RTL4: variants seen among roughly 807,000 people sequenced by gnomAD.
RTL4 encodes retrotransposon Gag like 4.
Under a neutral mutation model 5.3 loss-of-function variants are expected in RTL4, and 4 were observed. The ratio of observed to expected loss-of-function variants is 0.75; its 90% confidence interval spans 0.37 to 1.72. The LOEUF is 1.72. RTL4 is among the 40% of genes most tolerant of loss of function. The probability of loss-of-function intolerance (pLI) is 0.04; values close to 1 mark genes in which losing one functional copy is unlikely to be tolerated. For synonymous variants in RTL4, 98 were observed against 87.3 expected (o/e 1.12, Z -0.68); for missense variants, 260 against 227.1 (o/e 1.14, Z -0.93).
At chrX:112,208,432 GT>G in the RTL4 span, among the ~76,000 whole-genome samples, 4 of 112,052 alleles carry the variant, frequency 3.6e-5, no homozygotes, top group Non-Finnish European at 7.5e-5. Flanking sequence ...ACTGGTCATA[GT>G]TTATCTGTAT....
At chrX:112,444,764 C>T in the RTL4 span, among the ~76,000 whole-genome samples, 1 of 111,249 alleles carries the variant, frequency 9.0e-6, no homozygotes, top group African/African-American at 3.3e-5. Flanking sequence ...CAAATTTTTC[C>T]ATTTCTTCTA....
chrX:112,378,414 T>G, the RTL4 span, among the ~76,000 whole-genome samples: 1 of 111,567 alleles, frequency 9.0e-6, no homozygotes, highest in East Asian at 2.9e-4. Context: ...GGAACATATC[T>G]TCAGGTAGTA....
chrX:112,128,998 G>C, the RTL4 span, among the ~76,000 whole-genome samples: 1 of 111,012 alleles, frequency 9.0e-6, no homozygotes, highest in South Asian at 3.7e-4. Flanking sequence ...CAACAAAAGG[G>C]CAAACAATCC....
At chrX:112,431,977 G>T in the RTL4 span, among the ~76,000 whole-genome samples, 1 of 101,059 alleles carries the variant, frequency 9.9e-6, no homozygotes, top group Non-Finnish European at 2.0e-5. Context: ...GAGAATATGC[G>T]GTGTTTGTTT....
At chrX:112,303,035 C>T in the RTL4 span, among the ~76,000 whole-genome samples, 3 of 111,789 alleles carry the variant, frequency 2.7e-5, no homozygotes, top group Non-Finnish European at 5.6e-5. Context: ...TGATCATTCT[C>T]ATCTTCCACA....
chrX:112,151,083 T>A, the RTL4 span, among the ~76,000 whole-genome samples: 1 of 111,821 alleles, frequency 8.9e-6, no homozygotes, highest in East Asian at 2.8e-4. Flanking sequence ...GTGGTCACAG[T>A]ACATCAAAGA....
chrX:112,133,913 C>T, the RTL4 span, among the ~76,000 whole-genome samples: 1 of 111,855 alleles, frequency 8.9e-6, no homozygotes, highest in South Asian at 3.7e-4. Flanking sequence ...CCATTCTGCT[C>T]TCTTGCTCAG....
the RTL4 span, among the ~76,000 whole-genome samples, chrX:112,243,728 C>T: frequency 9.0e-6 from 1 of 111,165 alleles, no homozygotes; most frequent in Non-Finnish European, 1.9e-5. Context: ...TTATGTCTTG[C>T]CTTCTGCTAG....
the RTL4 span, among the ~76,000 whole-genome samples, chrX:112,211,146 G>A: frequency 8.9e-6 from 1 of 112,342 alleles, no homozygotes; most frequent in African/African-American, 3.2e-5. Flanking sequence ...TTGGTAAAAT[G>A]AAGCTCACAG....
At chrX:112,401,210 T>G in the RTL4 span, among the ~76,000 whole-genome samples, 2 of 111,861 alleles carry the variant, frequency 1.8e-5, no homozygotes, top group Non-Finnish European at 3.8e-5. Context: ...AAACTCTCCT[T>G]TCTCTTAGTT....
At chrX:112,256,094 A>G in the RTL4 span, among the ~76,000 whole-genome samples, 1 of 112,418 alleles carries the variant, frequency 8.9e-6, no homozygotes, top group Non-Finnish European at 1.9e-5. Flanking sequence ...TCCTTCATTT[A>G]GAGCATATGC....
At chrX:112,141,477 A>T in the RTL4 span, among the ~76,000 whole-genome samples, 1 of 111,979 alleles carries the variant, frequency 8.9e-6, no homozygotes, top group African/African-American at 3.2e-5. Context: ...GGGGAAAAAA[A>T]ACTCAGTCTT....
the RTL4 span, among the ~76,000 whole-genome samples, chrX:112,286,148 GA>G: frequency 9.0e-6 from 1 of 111,617 alleles, no homozygotes; most frequent in Non-Finnish European, 1.9e-5. Flanking sequence ...CACTAATTAA[GA>G]AAAAAACTGA....
the RTL4 span, among the ~76,000 whole-genome samples, chrX:112,332,470 G>T: frequency 1.8e-5 from 2 of 110,896 alleles, no homozygotes; most frequent in African/African-American, 3.3e-5. Flanking sequence ...AGAAAATGTG[G>T]CATATATATG....
At chrX:112,198,786 A>C in the RTL4 span, among the ~76,000 whole-genome samples, 4 of 111,155 alleles carry the variant, frequency 3.6e-5, no homozygotes, top group Non-Finnish European at 7.5e-5. Context: ...TATATCAGAG[A>C]TAGAGCATGT....
the RTL4 span, among the ~76,000 whole-genome samples, chrX:112,123,797 G>A: frequency 1.8e-5 from 2 of 111,513 alleles, no homozygotes; most frequent in East Asian, 5.6e-4. Context: ...TATGACGAAA[G>A]CACCAAAAGC....
At chrX:112,209,554 A>G in the RTL4 span, among the ~76,000 whole-genome samples, 1 of 111,633 alleles carries the variant, frequency 9.0e-6, no homozygotes, top group African/African-American at 3.3e-5. Context: ...ATCATAGGGA[A>G]CGCCCCATGA....
the RTL4 span, among the ~76,000 whole-genome samples, chrX:112,124,826 C>T: frequency 3.6e-5 from 4 of 111,411 alleles, no homozygotes; most frequent in East Asian, 2.8e-4. Flanking sequence ...CACATTGAAG[C>T]GTCAGTATTT....
the RTL4 span, among the ~76,000 whole-genome samples, chrX:112,425,248 T>G: frequency 4.7e-4 from 52 of 111,638 alleles, no homozygotes; most frequent in East Asian, 0.012. Context: ...TTATGTGTTT[T>G]CATGGCTTCG....
Sources: gnomAD v4.1 joint callset for allele counts (sites outside exome capture counted in the v4.1 genomes callset) on GRCh38, gnomAD v4.1.1 for gene constraint, MANE v1.5 for transcripts, NCBI Gene and HGNC (gene_info 2026-07-23, HGNC 2026-07-21) for gene names.